The following HEY2 variants were observed in gnomAD, a reference collection of about 807,000 sequenced individuals.
The protein encoded by HEY2 is hes related family bHLH transcription factor with YRPW motif 2.
A neutral mutation model predicts 18.1 loss-of-function variants in HEY2; 10 were observed. The ratio of observed to expected loss-of-function variants is 0.55; its 90% CI spans 0.34 to 0.94. The LOEUF (loss-of-function observed/expected upper bound fraction) is 0.94. HEY2 is among the 40% of genes least tolerant of loss of function. The probability of loss-of-function intolerance (pLI) is 0.02; values close to 1 mark genes in which losing one functional copy is unlikely to be tolerated. For missense variants in HEY2, 455 were observed against 455.9 expected (o/e 1.00, Z 0.02); for synonymous variants, 210 against 182.7 (o/e 1.15, Z -1.21).
At position 125,752,427 on chromosome 6, in the gene HEY2, C is replaced by CA. The variant is rs56184046; in HGVS notation, c.246+353dup. Reference sequence around the variant, plus strand: ...AAACTGTGCTGTATACCGTATCCTTCAAAAAAAAAAAAAAAACCATTTTTT... The same window carrying CA: ...AAACTGTGCTGTATACCGTATCCTTCAAAAAAAAAAAAAAAAACCATTTTTT... On this transcript the variant is annotated intron_variant, in intron 3 of 4. Coordinates refer to ENST00000368364, the MANE Select transcript of HEY2 (RefSeq NM_012259.3). 7.4e-3 allele frequency among the ~76,000 whole-genome samples: 869 copies of CA among 117,614 alleles called. 10 individuals carry two copies. The highest frequency in any genetic ancestry group is 0.022 in the African/African-American group (655 of 29,312). 77.2% of individuals were successfully genotyped at this position (117,614 alleles called of 152,430 possible).
At chr6:125,754,638 T>A in intron 4 of HEY2, 92 bp downstream of exon 4, 1 of 621,408 alleles carries the variant, frequency 1.6e-6, no homozygotes, top group Non-Finnish European at 2.7e-6. Context: ...AAGTCATAGC[T>A]GAACAGTTCT....
At chr6:125,753,642 C>T (rs919860327) in intron 3 of HEY2, among the ~76,000 whole-genome samples, 1 of 152,060 alleles carries the variant, frequency 6.6e-6, no homozygotes, top group African/African-American at 2.4e-5. Context: ...GTCCCCGAGA[C>T]AGCTTGAAAT....
In HEY2 at chr6:125,749,722, C is replaced by T; in HGVS notation, c.-55C>T. Reference sequence around the variant, plus strand: ...GGAGGCGGGCGTCAGGGTGCTGCGCCCCGCTCGGCGTCCGAGCTTCCGGCC... The same window carrying T: ...GGAGGCGGGCGTCAGGGTGCTGCGCTCCGCTCGGCGTCCGAGCTTCCGGCC... On this transcript the variant is annotated 5_prime_UTR_variant, in exon 1 of 5. Transcript: ENST00000368364. The T allele has an allele frequency of 7.0e-7, 1 of 1,424,308 alleles. No homozygotes were observed. Among genetic ancestry groups the T allele is most frequent in the East Asian group, 2.5e-5 (1 of 39,576 alleles). The allele number at this position is 1,424,308 out of a possible 1,614,324, so 88.2% of individuals were successfully genotyped here.
At chr6:125,759,057 T>A (rs1245336355) in intron 4 of HEY2, 60 bp from the exon 5 acceptor site, 1 of 1,332,352 alleles carries the variant, frequency 7.5e-7, no homozygotes, top group African/African-American at 1.5e-5. Flanking sequence ...TACCATTTTC[T>A]CACCCCTACC....
At chr6:125,759,080 C>T (rs781501897) in intron 4 of HEY2, 37 bp from the exon 5 acceptor site, 11 of 1,513,290 alleles carry the variant, frequency 7.3e-6, no homozygotes, top group Non-Finnish European at 8.1e-6. Context: ...CCGCCCATCT[C>T]TCTCCTGTTC....
At chr6:125,759,078 C>T (rs768962310) in intron 4 of HEY2, 39 bp from the exon 5 acceptor site, 2 of 1,504,368 alleles carry the variant, frequency 1.3e-6, no homozygotes, top group Non-Finnish European at 1.8e-6. Context: ...TCCCGCCCAT[C>T]TCTCTCCTGT....
Position 125,750,196 on chromosome 6 carries a change from T to C in HEY2, c.83+337T>C, listed in dbSNP as rs1002556393. ...GGCGATGTCCCAGCCACTGAAACCG[T>C]ATTTGGGGGCACTTTCAAAATAGAT... On this transcript the variant is annotated intron_variant, in intron 1 of 4. Coordinates refer to ENST00000368364, the MANE Select transcript of HEY2 (RefSeq NM_012259.3). 4.1e-6 allele frequency: 4 copies of C among 964,264 alleles called. No homozygotes were observed. The African/African-American group carries it at 7.0e-5, about 17-fold the overall frequency. 59.7% of individuals were successfully genotyped at this position (964,264 alleles called of 1,614,324 possible).
rs984890550 is a variant in HEY2 at position 125,760,470 on chromosome 6, T to C, written c.*668T>C. ...CATGCCAAGAGGTGACATTTAGCAG[T>C]GCATTGGTATAAGCAATTATTTCAT... On this transcript the variant is annotated 3_prime_UTR_variant, in exon 5 of 5. Coordinates refer to ENST00000368364, the MANE Select transcript of HEY2 (RefSeq NM_012259.3). The C allele has an allele frequency of 6.6e-6, 1 of 152,318 alleles. No individual in the cohort carries two copies. Among genetic ancestry groups the C allele is most frequent in the Non-Finnish European group, 1.5e-5 (1 of 68,132 alleles). 9.4% of individuals were successfully genotyped at this position (152,318 alleles called of 1,614,324 possible). A position where few individuals can be genotyped will look rare whatever the true frequency, so the allele number is the denominator to read the frequency against.
intron 4 of HEY2, among the ~76,000 whole-genome samples, chr6:125,756,869 G>A (rs891407408): frequency 1.3e-5 from 2 of 152,182 alleles, no homozygotes; most frequent in Non-Finnish European, 2.9e-5. Flanking sequence ...TGTAGAGGGA[G>A]TGGTATGGAC....
At chr6:125,753,214 G>A (rs1466820866) in intron 3 of HEY2, among the ~76,000 whole-genome samples, 1 of 152,192 alleles carries the variant, frequency 6.6e-6, no homozygotes, top group Admixed American at 6.5e-5. Flanking sequence ...AAGTGAAAAT[G>A]TCAGTAATCA....
At position 125,759,526 on chromosome 6, in the gene HEY2, C is replaced by T; in HGVS notation, c.738C>T (p.Val246=). 1.9e-6 allele frequency: 3 copies of T among 1,611,066 alleles called. No homozygotes were observed. In the East Asian group the frequency reaches 6.7e-5, roughly 36 times the overall value. Residue 246 remains valine, a synonymous_variant, in exon 5 of 5, where the codon GTC becomes GTT. Transcript: ENST00000368364. ...TCCGAATGCCATCCACGGGCAGCGT[C>T]GCCCCCTGCGTGCCACCTCTCTCCA... is the stretch of plus-strand genomic sequence containing the variant. ...SALRMPSTGS[V]APCVPPLSTS...
chr6:125,757,453 GT>G (rs3839544), intron 4 of HEY2, among the ~76,000 whole-genome samples: 4,284 of 152,190 alleles, frequency 0.028, 157 homozygotes, highest in African/African-American at 0.088. Context: ...TGTTGTTTCT[GT>G]TTTAGTAGTG....
Position 125,749,865 on chromosome 6 carries a change from C to T in HEY2, c.83+6C>T. The T allele has an allele frequency of 1.3e-6, 2 of 1,559,854 alleles. No individual in the cohort carries two copies. The highest frequency in any genetic ancestry group is 1.7e-6 in the Non-Finnish European group (2 of 1,151,918). On this transcript the variant is annotated splice_donor_region_variant and intron_variant, in intron 1 of 4. Transcript: ENST00000368364. ...AGCGAGAACAATTACTCGGGGTGAG[C>T]GCGGGCTCCGCGGGAGCGGCCCGCA...
At chr6:125,753,525 G>A (rs1370019561) in intron 3 of HEY2, among the ~76,000 whole-genome samples, 3 of 151,888 alleles carry the variant, frequency 2.0e-5, no homozygotes, top group Non-Finnish European at 2.9e-5. Context: ...TACAAAACAA[G>A]TAAAGCATAG....
intron 3 of HEY2, among the ~76,000 whole-genome samples, chr6:125,753,864 GA>G (rs912485812): frequency 4.6e-5 from 7 of 151,982 alleles, no homozygotes; most frequent in African/African-American, 7.3e-5. Flanking sequence ...AATTATTGGG[GA>G]AAAAAACCTT....
intron 1 of HEY2, chr6:125,750,179 C>A: frequency 2.2e-6 from 2 of 905,942 alleles, no homozygotes; most frequent in Non-Finnish European, 2.6e-6. Context: ...CAGGCGATGT[C>A]CCAGCCACTG....
At chr6:125,758,983 T>C in intron 4 of HEY2, 134 bp from the exon 5 acceptor site, 2 of 626,098 alleles carry the variant, frequency 3.2e-6, no homozygotes, top group Non-Finnish European at 5.3e-6. Context: ...CAGAAAGGAT[T>C]ATCGTTCCAC....
intron 1 of HEY2, among the ~76,000 whole-genome samples, chr6:125,750,743 G>A (rs540209640): frequency 6.6e-6 from 1 of 152,252 alleles, no homozygotes; most frequent in African/African-American, 2.4e-5. Flanking sequence ...TTGTTGTGCC[G>A]TCTTTAAAAA....
chr6:125,756,277 G>C (rs998132247), intron 4 of HEY2, among the ~76,000 whole-genome samples: 1 of 152,178 alleles, frequency 6.6e-6, no homozygotes, highest in Non-Finnish European at 1.5e-5. Context: ...CTTCAAGAAG[G>C]GAGCTGGCGG....
Sources: allele counts gnomAD v4.1 joint callset (sites outside exome capture counted in the v4.1 genomes callset), GRCh38; gene constraint gnomAD v4.1.1; transcripts MANE v1.5; gene names NCBI Gene and HGNC (gene_info 2026-07-23, HGNC 2026-07-21).